MSRA: variants seen among roughly 807,000 people sequenced by gnomAD.
MSRA encodes mitochondrial peptide methionine sulfoxide reductase.
Under a neutral mutation model 31.3 loss-of-function variants are expected in MSRA, and 54 were observed. The observed-to-expected ratio is 1.73, with a 90% CI of 1.39 to 2.17. The LOEUF is 2.17. Ranked by LOEUF, MSRA falls within the 30% of genes most tolerant of loss-of-function variation. The pLI is 0.00. For missense variants in MSRA, 507 were observed against 300.9 expected (o/e 1.69, Z -5.07); for synonymous variants, 169 against 116.5 (o/e 1.45, Z -2.90).
At chr8:10,205,836 C>T (rs1385551260) in intron 1 of MSRA, among the ~76,000 whole-genome samples, 2 of 152,134 alleles carry the variant, frequency 1.3e-5, no homozygotes, top group Non-Finnish European at 1.5e-5. Context: ...GATTGTGTTT[C>T]CTTACCATTA....
At chr8:10,156,961 C>A (rs1804207079) in intron 1 of MSRA, among the ~76,000 whole-genome samples, 1 of 151,596 alleles carries the variant, frequency 6.6e-6, no homozygotes, top group Non-Finnish European at 1.5e-5. Flanking sequence ...GTGCTTGGCA[C>A]TGTGCTGTGC....
intron 1 of MSRA, among the ~76,000 whole-genome samples, chr8:10,160,023 A>G (rs1804498965): frequency 6.6e-6 from 1 of 152,230 alleles, no homozygotes; most frequent in South Asian, 2.1e-4. Flanking sequence ...AGTGGTCTAT[A>G]TAATTCTTAG....
At chr8:10,148,427 A>G (rs189236124) in intron 1 of MSRA, among the ~76,000 whole-genome samples, 1 of 151,728 alleles carries the variant, frequency 6.6e-6, no homozygotes, top group Admixed American at 6.6e-5. Context: ...CAGGCAGATC[A>G]CTTGAGGTCA....
chr8:10,096,219 T>G (rs1437433748), intron 1 of MSRA: 14 of 1,246,406 alleles, frequency 1.1e-5, no homozygotes, highest in Non-Finnish European at 1.4e-5. Context: ...TGCTGCTTCA[T>G]GCTGTCCTAA....
chr8:10,174,002 A>T (rs1563181636), intron 1 of MSRA, among the ~76,000 whole-genome samples: 1 of 152,144 alleles, frequency 6.6e-6, no homozygotes, highest in African/African-American at 2.4e-5. Context: ...AGACAAGACA[A>T]GATGTGAGGA....
intron 1 of MSRA, among the ~76,000 whole-genome samples, chr8:10,138,770 C>T (rs1193271097): frequency 1.3e-5 from 2 of 152,160 alleles, no homozygotes; most frequent in Admixed American, 6.5e-5. Context: ...AAAACCACTC[C>T]CCTTATCTTA....
intron 5 of MSRA, chr8:10,411,301 T>TCA (rs1808144656): frequency 6.6e-6 from 1 of 152,196 alleles, no homozygotes; most frequent in Admixed American, 6.5e-5. Context: ...CTCTGTGTGT[T>TCA]CACACCGTGT....
At chr8:10,162,933 G>C (rs1046926447) in intron 1 of MSRA, among the ~76,000 whole-genome samples, 1 of 152,152 alleles carries the variant, frequency 6.6e-6, no homozygotes, top group African/African-American at 2.4e-5. Context: ...TGGTCTTAAA[G>C]TTTGCACCTC....
intron 1 of MSRA, among the ~76,000 whole-genome samples, chr8:10,204,692 CTGT>C (rs931488123): frequency 1.3e-5 from 2 of 152,202 alleles, no homozygotes; most frequent in African/African-American, 4.8e-5. Flanking sequence ...GAATATATCC[CTGT>C]TGTTAAGTGA....
At chr8:10,342,646 C>A (rs1269769193) in intron 5 of MSRA, among the ~76,000 whole-genome samples, 1 of 152,190 alleles carries the variant, frequency 6.6e-6, no homozygotes. Context: ...GGGGCAGGGT[C>A]TTAGGGAAGG....
At chr8:10,168,903 A>C (rs1321020640) in intron 1 of MSRA, among the ~76,000 whole-genome samples, 2 of 152,230 alleles carry the variant, frequency 1.3e-5, no homozygotes, top group East Asian at 3.8e-4. Context: ...AGTCACAGAT[A>C]ATTCCAGTTG....
At chr8:10,246,850 A>G (rs978445942) in intron 3 of MSRA, among the ~76,000 whole-genome samples, 4 of 152,226 alleles carry the variant, frequency 2.6e-5, no homozygotes, top group African/African-American at 9.6e-5. Flanking sequence ...TTTCAAAATT[A>G]AACGCTTATG....
intron 1 of MSRA, chr8:10,095,827 A>G (rs757370010): frequency 4.0e-6 from 5 of 1,246,606 alleles, no homozygotes; most frequent in Non-Finnish European, 5.1e-6. Context: ...GCCTTTTTCA[A>G]AACGAAGCTT....
chr8:10,080,099 A>ATCTTT (rs1563409121), intron 1 of MSRA, among the ~76,000 whole-genome samples: 1 of 152,068 alleles, frequency 6.6e-6, no homozygotes, highest in African/African-American at 2.4e-5. Context: ...TTTCTCCCCC[A>ATCTTT]TCTTTTTCTC....
chr8:10,121,165 A>C (rs1328279733), intron 1 of MSRA, among the ~76,000 whole-genome samples: 1 of 152,206 alleles, frequency 6.6e-6, no homozygotes, highest in Non-Finnish European at 1.5e-5. Flanking sequence ...GATGGTAGGC[A>C]AAAAATTAAG....
At chr8:10,424,837 G>A (rs1254913554) in intron 5 of MSRA, among the ~76,000 whole-genome samples, 1 of 152,228 alleles carries the variant, frequency 6.6e-6, no homozygotes, top group East Asian at 1.9e-4. Context: ...AAGCCTGCAG[G>A]GCCCTGGAGG....
At chr8:10,346,914 TG>T (rs1317592557) in intron 5 of MSRA, among the ~76,000 whole-genome samples, 1 of 152,206 alleles carries the variant, frequency 6.6e-6, no homozygotes, top group Non-Finnish European at 1.5e-5. Flanking sequence ...GTGAAGGTTC[TG>T]TTTTTATATA....
chr8:10,319,863 C>T lies in MSRA; in HGVS notation c.437-20C>T, dbSNP rs776463289. On this transcript the variant is annotated intron_variant, in intron 4 of 5. Transcript: ENST00000317173. The stretch of plus-strand genomic sequence containing the variant: ...GTCGCCTAGTGACCGGGTAACCCTC[C>T]CTGTTTTCTGCTTTCCTAGGTATGC... The T allele has an allele frequency of 2.7e-6, 4 of 1,474,414 alleles. No homozygotes were observed. The highest frequency in any genetic ancestry group is 2.8e-5 in the African/African-American group (2 of 70,570). The allele number at this position is 1,474,414 out of a possible 1,614,324, so 91.3% of individuals were successfully genotyped here.
chr8:10,366,671 G>C (rs932107848), intron 5 of MSRA, among the ~76,000 whole-genome samples: 3 of 152,176 alleles, frequency 2.0e-5, no homozygotes, highest in African/African-American at 7.2e-5. Flanking sequence ...AACAGTACCT[G>C]CTACACTGGC....
Sources: gnomAD v4.1 joint callset for allele counts (sites outside exome capture counted in the v4.1 genomes callset) on GRCh38, gnomAD v4.1.1 for gene constraint, MANE v1.5 for transcripts, NCBI Gene and HGNC (gene_info 2026-07-23, HGNC 2026-07-21) for gene names.